The following MIB1 variants were observed in gnomAD, a reference collection of about 807,000 sequenced individuals.
MIB1 encodes MIB E3 ubiquitin protein ligase 1.
In MIB1, 278 loss-of-function variants were observed where a neutral mutation model predicts 124.5. The observed-to-expected ratio is 2.23, with a 90% CI of 2.02 to 2.47. The LOEUF (loss-of-function observed/expected upper bound fraction) is 2.47. Ranked by LOEUF, MIB1 falls within the 30% of genes most tolerant of loss-of-function variation. MIB1 has a pLI of 0.00. For synonymous variants in MIB1, 446 were observed against 429.4 expected (o/e 1.04, Z -0.48); for missense variants, 957 against 1,254.4 (o/e 0.76, Z 3.58).
At chr18:21,859,973 T>A (rs1254045831) in intron 20 of MIB1, among the ~76,000 whole-genome samples, 1 of 145,986 alleles carries the variant, frequency 6.8e-6, no homozygotes, top group African/African-American at 2.5e-5. Flanking sequence ...TAATGCAAAA[T>A]TCACAATAGT....
chr18:21,765,836 G>A lies in MIB1; in HGVS notation c.294G>A (p.Trp98Ter). 6.2e-7 allele frequency: 1 copy of A among 1,614,158 alleles called. No homozygotes were observed. The highest frequency in any genetic ancestry group is 8.5e-7 in the Non-Finnish European group (1 of 1,180,022). Residue 98 changes from tryptophan (W) to a stop codon, truncating the protein, a stop_gained, in exon 2 of 21, where the codon TGG becomes TGA. Transcript: ENST00000261537. LOFTEE classifies it high-confidence loss of function. ...CRQQPIIGIR[W>*]KCAECTNYDL... is the part of the protein sequence containing the mutation. ...AGCAACCAATCATTGGCATTCGATG[G>A]AAGTGTGCAGAGTGTACAAATTATG...
chr18:21,864,808 CA>C lies in MIB1; in HGVS notation c.*143del. ...GAGTATAATTGGGCTGTAAATGTAC[CA>C]GAACAAAAAACCCTACAAAATGGTG... On this transcript the variant is annotated 3_prime_UTR_variant, in exon 21 of 21. Transcript: ENST00000261537. The C allele has an allele frequency of 1.9e-6, 1 of 536,522 alleles. No individual in the cohort carries two copies. The highest frequency in any genetic ancestry group is 3.5e-5 in the Admixed American group (1 of 28,680). 33.2% of individuals were successfully genotyped at this position (536,522 alleles called of 1,614,324 possible).
chr18:21,853,292 G>GT lies in MIB1; in HGVS notation c.2665+81dup, dbSNP rs1189950555. On this transcript the variant is annotated intron_variant, in intron 18 of 20. Coordinates refer to ENST00000261537, the MANE Select transcript of MIB1 (RefSeq NM_020774.4). ...TGAAACAAAAATTATGTTTTTGAGG[G>GT]TTTTTTTGCTTTTGATTTTGGATAA... 92 of 1,165,454 alleles carry GT rather than the reference G, an allele frequency of 7.9e-5. No individual in the cohort carries two copies. The East Asian group carries it at 2.0e-3, about 26-fold the overall frequency. 72.2% of individuals were successfully genotyped at this position (1,165,454 alleles called of 1,614,324 possible). A position where few individuals can be genotyped will look rare whatever the true frequency, so the allele number is the denominator to read the frequency against.
At chr18:21,784,837 T>C (rs749377093) in intron 6 of MIB1, among the ~76,000 whole-genome samples, 12 of 151,982 alleles carry the variant, frequency 7.9e-5, no homozygotes, top group Non-Finnish European at 1.6e-4. Context: ...CCGGAGGAGT[T>C]AGAGAAGACT....
chr18:21,797,011 CAA>C (rs1307514168), intron 7 of MIB1, among the ~76,000 whole-genome samples: 1 of 151,902 alleles, frequency 6.6e-6, no homozygotes, highest in Non-Finnish European at 1.5e-5. Flanking sequence ...TTTAAACAAA[CAA>C]AAAATTGATT....
chr18:21,845,842 C>T (rs1270370825), intron 15 of MIB1, among the ~76,000 whole-genome samples: 2 of 152,064 alleles, frequency 1.3e-5, no homozygotes, highest in East Asian at 3.9e-4. Flanking sequence ...CCAGACTGGT[C>T]CCGAACTCCT....
chr18:21,861,343 C>G (rs984702367), intron 20 of MIB1, among the ~76,000 whole-genome samples: 3 of 151,870 alleles, frequency 2.0e-5, no homozygotes, highest in African/African-American at 4.8e-5. Context: ...CATCTTGATT[C>G]CTTTCCCATA....
chr18:21,824,373 A>G (rs964666160), intron 12 of MIB1, among the ~76,000 whole-genome samples: 11 of 152,278 alleles, frequency 7.2e-5, no homozygotes, highest in African/African-American at 2.6e-4. Context: ...ATTCTGAAAT[A>G]TGGTCTGTAA....
chr18:21,722,158 G>T (rs1216264492), intron 1 of MIB1, among the ~76,000 whole-genome samples: 6 of 147,974 alleles, frequency 4.1e-5, no homozygotes, highest in African/African-American at 1.5e-4. Context: ...GGGTTCAAGC[G>T]ATTTTCCTGC....
intron 13 of MIB1, among the ~76,000 whole-genome samples, chr18:21,840,617 C>G (rs868164517): frequency 6.9e-6 from 1 of 145,258 alleles, no homozygotes; most frequent in Non-Finnish European, 1.5e-5. Flanking sequence ...TGTGAGATCT[C>G]ATCTCTACTG....
intron 6 of MIB1, among the ~76,000 whole-genome samples, chr18:21,786,116 A>T (rs745929939): frequency 6.7e-6 from 1 of 150,330 alleles, no homozygotes; most frequent in Non-Finnish European, 1.5e-5. Context: ...TTTTTTTTTG[A>T]GACAGAGTCT....
rs1271085987 is a variant in MIB1 at position 21,741,415 on chromosome 18, C to T, written c.-169C>T. 3 of 288,018 alleles carry T rather than the reference C, an allele frequency of 1.0e-5. No homozygotes were observed. The highest frequency in any genetic ancestry group is 7.4e-5 in the East Asian group (1 of 13,562). 17.8% of individuals were successfully genotyped at this position (288,018 alleles called of 1,614,324 possible). The stretch of plus-strand genomic sequence containing the variant: ...GACAGCTGGGCAGCGGCTTTGGGCT[C>T]CGCGGGGACCGCGCCGCCGCCCCCG... On this transcript the variant is annotated 5_prime_UTR_variant, in exon 1 of 21. Transcript: ENST00000261537. The surrounding 1 kb of genome is among the most constrained non-coding windows in gnomAD (Gnocchi z 5.4).
intron 3 of MIB1, among the ~76,000 whole-genome samples, chr18:21,770,612 G>T (rs367970756): frequency 2.0e-5 from 3 of 151,980 alleles, no homozygotes; most frequent in African/African-American, 7.3e-5. Context: ...GAGCCACCGC[G>T]CCCAGCCTAT....
intron 1 of MIB1, among the ~76,000 whole-genome samples, chr18:21,732,040 T>TA (rs2040773518): frequency 6.6e-6 from 1 of 150,842 alleles, no homozygotes; most frequent in Admixed American, 6.6e-5. Context: ...TATATACTTC[T>TA]TGGTGGCAGG....
rs1055787945 is a variant in MIB1, at chr18:21,813,839, G to A, written c.1480-1777G>A. Among the ~76,000 whole-genome samples, 17 of 152,144 alleles carry A rather than the reference G, an allele frequency of 1.1e-4. No homozygotes were observed. The East Asian group carries it at 1.9e-3, about 17-fold the overall frequency. On this transcript the variant is annotated intron_variant, in intron 10 of 20. Transcript: ENST00000261537. The stretch of plus-strand genomic sequence containing the variant: ...GGCTGGCACAGTGGTATTGGGAATC[G>A]GAAACCACTGCTTTGGATGGAGGAA...
chr18:21,754,734 C>A (rs1173137024), intron 1 of MIB1, among the ~76,000 whole-genome samples: 1 of 152,198 alleles, frequency 6.6e-6, no homozygotes, highest in Non-Finnish European at 1.5e-5. Flanking sequence ...AAAAGAAATT[C>A]ATGTTAGTTT....
intron 6 of MIB1, among the ~76,000 whole-genome samples, chr18:21,780,267 C>T (rs531664950): frequency 6.6e-6 from 1 of 152,340 alleles, no homozygotes; most frequent in African/African-American, 2.4e-5. Flanking sequence ...CTCTCCCCAG[C>T]TGTTCTGAAC....
intron 4 of MIB1, among the ~76,000 whole-genome samples, chr18:21,775,991 G>C (rs1005506086): frequency 2.0e-5 from 3 of 152,110 alleles, no homozygotes; most frequent in Non-Finnish European, 2.9e-5. Context: ...TGACAGCTGG[G>C]AGGGGTGGCC....
At chr18:21,792,685 A>G (rs2041520744) in intron 7 of MIB1, among the ~76,000 whole-genome samples, 2 of 152,238 alleles carry the variant, frequency 1.3e-5, no homozygotes, top group African/African-American at 4.8e-5. Context: ...GCTGCCGTAC[A>G]CATATACATA....
Sources: gnomAD v4.1 joint callset for allele counts (sites outside exome capture counted in the v4.1 genomes callset) on GRCh38, gnomAD v4.1.1 for gene constraint, Gnocchi (gnomAD v3.1) non-coding constraint, MANE v1.5 for transcripts, NCBI Gene and HGNC (gene_info 2026-07-23, HGNC 2026-07-21) for gene names.